IMPG1: variants seen among roughly 807,000 people sequenced by gnomAD.
IMPG1 encodes interphotoreceptor matrix proteoglycan 1.
A neutral mutation model predicts 92.0 loss-of-function variants in IMPG1; 85 were observed. The observed-to-expected ratio is 0.92, with a 90% confidence interval of 0.78 to 1.11. IMPG1 has a LOEUF of 1.11. Ranked by LOEUF, IMPG1 falls within the 50% of genes least tolerant of loss-of-function variation. IMPG1 has a pLI of 0.00. For missense variants in IMPG1, 1,022 were observed against 956.0 expected, an observed-to-expected ratio of 1.07 and a Z score of -0.91; for synonymous variants, 367 against 334.1, an observed-to-expected ratio of 1.10 and a Z score of -1.08.
chr6:75,952,152 T>G (rs942625655), intron 12 of IMPG1, among the ~76,000 whole-genome samples: 1 of 152,198 alleles, frequency 6.6e-6, no homozygotes, highest in African/African-American at 2.4e-5. Flanking sequence ...AACAGATTGT[T>G]GAATTATTAA....
At chr6:75,976,227 T>C (rs1288844211) in intron 12 of IMPG1, among the ~76,000 whole-genome samples, 1 of 152,188 alleles carries the variant, frequency 6.6e-6, no homozygotes, top group African/African-American at 2.4e-5. Context: ...TTGCCAAAGG[T>C]AGTTAATGGA....
In IMPG1 at chr6:75,928,492, T is replaced by C. The variant is rs527795071; in HGVS notation, c.2243+2461A>G. ...GGGATTACGACTCCCAGCCCAACCC[T>C]TCTTTTAAATTACACATGTTGGCTG... On this transcript the variant is annotated intron_variant, in intron 15 of 16. Transcript: ENST00000369950. 5 of 152,302 alleles carry C rather than the reference T, an allele frequency of 3.3e-5. No individual in the cohort carries two copies. In the East Asian group the frequency reaches 7.7e-4, roughly 24 times the overall value. The allele number at this position is 152,302 out of a possible 1,614,324, so 9.4% of individuals were successfully genotyped here. A position where few individuals can be genotyped will look rare whatever the true frequency, so the allele number is the denominator to read the frequency against.
At chr6:76,000,294 A>C (rs1402232091) in intron 12 of IMPG1, among the ~76,000 whole-genome samples, 1 of 152,210 alleles carries the variant, frequency 6.6e-6, no homozygotes, top group African/African-American at 2.4e-5. Context: ...TAACACATAA[A>C]ATTAACTATT....
intron 12 of IMPG1, among the ~76,000 whole-genome samples, chr6:75,990,050 T>C (rs559691931): frequency 6.6e-6 from 1 of 152,322 alleles, no homozygotes; most frequent in East Asian, 1.9e-4. Context: ...ATATGGTCAT[T>C]CAAAGCAAAT....
At chr6:76,066,974 G>A (rs977148745) in intron 1 of IMPG1, among the ~76,000 whole-genome samples, 19 of 151,664 alleles carry the variant, frequency 1.3e-4, no homozygotes, top group African/African-American at 4.1e-4. Flanking sequence ...AAATTAACAC[G>A]GAAATTAAAA....
rs1431622393 is a variant in IMPG1 at position 75,922,022 on chromosome 6, A to T, written c.*67T>A. 5.0e-5 allele frequency: 38 copies of T among 754,854 alleles called. No individual in the cohort carries two copies. The highest frequency in any genetic ancestry group is 8.6e-5 in the Non-Finnish European group (37 of 428,636). The allele number at this position is 754,854 out of a possible 1,614,324, so 46.8% of individuals were successfully genotyped here. ...ATGACCCATGAATATGCCTGTCTCC[A>T]TTTTCCTTGAGAAGGCAAATCATCT... On this transcript the variant is annotated 3_prime_UTR_variant, in exon 17 of 17. Coordinates refer to ENST00000369950, the MANE Select transcript of IMPG1 (RefSeq NM_001563.4).
At position 76,060,195 on chromosome 6, in the gene IMPG1, A is replaced by G. The variant is rs147407791; in HGVS notation, c.67+12227T>C. Among the ~76,000 whole-genome samples, 4 of 152,328 alleles carry G rather than the reference A, an allele frequency of 2.6e-5. No individual in the cohort carries two copies. The East Asian group carries it at 7.7e-4, about 29-fold the overall frequency. ...TCGGAATGAATTAAGATGACTTTAC[A>G]AAGGCACACAGAAAGACATTGTTTC... is the stretch of plus-strand genomic sequence containing the variant. On this transcript the variant is annotated intron_variant, in intron 1 of 16. Transcript: ENST00000369950.
At chr6:75,984,501 T>A (rs1313827108) in intron 12 of IMPG1, among the ~76,000 whole-genome samples, 1 of 152,246 alleles carries the variant, frequency 6.6e-6, no homozygotes, top group African/African-American at 2.4e-5. Context: ...TTACACTGTA[T>A]GAGGAATTTT....
intron 15 of IMPG1, among the ~76,000 whole-genome samples, chr6:75,927,401 T>C (rs16886963): frequency 0.12 from 18,701 of 152,148 alleles, 1,227 homozygotes; most frequent in Middle Eastern, 0.18. Flanking sequence ...GATTGGGTTT[T>C]AATTTGTCAG....
chr6:76,008,398 A>G (rs983465835), intron 8 of IMPG1, among the ~76,000 whole-genome samples: 13 of 152,178 alleles, frequency 8.5e-5, no homozygotes, highest in African/African-American at 3.1e-4. Flanking sequence ...GTTGCTGCCA[A>G]AGACACTCTA....
chr6:75,940,329 G>T (rs777370305), intron 14 of IMPG1, among the ~76,000 whole-genome samples: 1 of 152,068 alleles, frequency 6.6e-6, no homozygotes, highest in Non-Finnish European at 1.5e-5. Flanking sequence ...TATTTCCTTA[G>T]AACTGGTTTT....
chr6:76,015,613 C>G (rs1338950557), intron 7 of IMPG1, among the ~76,000 whole-genome samples: 1 of 151,730 alleles, frequency 6.6e-6, no homozygotes, highest in Non-Finnish European at 1.5e-5. Flanking sequence ...CCAGCTTGAT[C>G]AACACGGTGA....
intron 4 of IMPG1, among the ~76,000 whole-genome samples, chr6:76,031,113 G>T (rs1406287057): frequency 6.6e-6 from 1 of 152,136 alleles, no homozygotes; most frequent in Admixed American, 6.5e-5. Flanking sequence ...CTGTGGGACG[G>T]ACAAGGACCC....
At chr6:76,042,266 G>C in intron 1 of IMPG1, 140 bp from the exon 2 acceptor site, 6 of 615,716 alleles carry the variant, frequency 9.7e-6, no homozygotes, top group Non-Finnish European at 1.7e-5. Context: ...ACTGCTAAAC[G>C]TAATATTCCA....
intron 12 of IMPG1, among the ~76,000 whole-genome samples, chr6:75,979,351 G>A (rs1231254976): frequency 6.6e-6 from 1 of 152,176 alleles, no homozygotes; most frequent in Non-Finnish European, 1.5e-5. Flanking sequence ...TTGTGTAGAG[G>A]TGGATGGAAA....
chr6:76,011,199 G>A lies in IMPG1; in HGVS notation c.833C>T (p.Pro278Leu), dbSNP rs1783178084. The A allele has an allele frequency of 2.6e-6, 4 of 1,553,852 alleles. No individual in the cohort carries two copies. Among genetic ancestry groups the A allele is most frequent in the East Asian group, 2.3e-5 (1 of 44,410 alleles). Residue 278 changes from proline to leucine, a missense_variant, in exon 8 of 17, where the codon CCA becomes CTA. Around this residue, in one of 3 missense-constraint regions of IMPG1, gnomAD observed 681 missense variants for 583.6 expected, o/e 1.17. Transcript: ENST00000369950. ...LQMQKIFKKL[P>L]GFKKIHVLGF... ...TAACACATGGATTTTTTTGAATCCT[G>A]GAAGTTTCTTAAATATCTTTTGCAT...
At chr6:76,012,424 A>G (rs1404542208) in intron 7 of IMPG1, among the ~76,000 whole-genome samples, 1 of 152,190 alleles carries the variant, frequency 6.6e-6, no homozygotes, top group Non-Finnish European at 1.5e-5. Flanking sequence ...AAACATAAGG[A>G]GCCTTCGAGT....
chr6:75,931,027 G>A lies in IMPG1; in HGVS notation c.2169C>T (p.Asp723=), dbSNP rs370665501. 11 of 1,614,038 alleles carry A rather than the reference G, an allele frequency of 6.8e-6. No homozygotes were observed. The highest frequency in any genetic ancestry group is 4.4e-5 in the South Asian group (4 of 91,082). ...KPGYDSQGSL[D]GLEPGLCGPG... ...GGCCACAGAGGCCTGGTTCCAGACC[G>A]TCCAGGCTCCCCTGGCTGTCATATC... The change falls in exon 15 of 17, where the codon GAC becomes GAT. Residue 723 remains aspartate (D), a synonymous_variant. Coordinates refer to ENST00000369950, the MANE Select transcript of IMPG1 (RefSeq NM_001563.4).
At chr6:75,922,199 A>T in intron 16 of IMPG1, 33 bp from the exon 17 acceptor site, 1 of 920,032 alleles carries the variant, frequency 1.1e-6, no homozygotes, top group South Asian at 1.4e-5. Context: ...AACTTAAGAA[A>T]TGCCACCCAA....
Sources: allele counts gnomAD v4.1 joint callset (sites outside exome capture counted in the v4.1 genomes callset), GRCh38; gene constraint gnomAD v4.1.1; regional missense constraint gnomAD v4.1.1; transcripts MANE v1.5; gene names NCBI Gene and HGNC (gene_info 2026-07-23, HGNC 2026-07-21).